Variants in SAMD3 observed in about 807,000 individuals in gnomAD.
SAMD3 encodes sterile alpha motif domain containing 3.
Under a neutral mutation model 58.5 loss-of-function variants are expected in SAMD3, and 63 were observed. The ratio of observed to expected loss-of-function variants is 1.08; its 90% CI spans 0.88 to 1.33. SAMD3 has a LOEUF of 1.33. Among genes scored for constraint, SAMD3 ranks in the 40% most tolerant of loss-of-function variants. The pLI is 0.00. For missense variants in SAMD3, 604 were observed against 608.4 expected (o/e 0.99, Z 0.08); for synonymous variants, 220 against 210.3 (o/e 1.05, Z -0.40).
chr6:130,224,142 C>T (rs34047210), upstream of SAMD3, among the ~76,000 whole-genome samples: 19,289 of 151,856 alleles, frequency 0.13, 3,144 homozygotes, highest in African/African-American at 0.38. Flanking sequence ...GCAAATTCTA[C>T]GTGGTCCACA....
chr6:130,177,631 C>T (rs17058461), intron 7 of SAMD3, among the ~76,000 whole-genome samples: 14,427 of 152,176 alleles, frequency 0.095, 1,097 homozygotes, highest in African/African-American at 0.21. Context: ...CCTTTCTTCA[C>T]TGGCACTTAT....
chr6:130,290,741 T>C lies in SAMD3; in HGVS notation c.-188+22237A>G, dbSNP rs375069339. Among the ~76,000 whole-genome samples the C allele has an allele frequency of 5.9e-5, 9 of 152,334 alleles. No individual in the cohort carries two copies. In the East Asian group the frequency reaches 1.5e-3, roughly 26 times the overall value. ...CTTACAGAGCTGTTGTGAGATTCAA[T>C]ATAGAACACACATGTAGTGTGTTCA... On this transcript the variant is annotated intron_variant, in intron 2 of 13. Transcript: ENST00000368134.
upstream of SAMD3, among the ~76,000 whole-genome samples, chr6:130,223,815 C>G (rs1253008201): frequency 6.6e-6 from 1 of 152,166 alleles, no homozygotes; most frequent in African/African-American, 2.4e-5. Flanking sequence ...GTTTACAGCT[C>G]CAGAAGCCCC....
intron 5 of SAMD3, among the ~76,000 whole-genome samples, chr6:130,202,790 C>T (rs951021420): frequency 6.6e-6 from 1 of 152,182 alleles, no homozygotes; most frequent in African/African-American, 2.4e-5. Flanking sequence ...TGAGGTTCTA[C>T]ACATGCAAGT....
intron 2 of SAMD3, among the ~76,000 whole-genome samples, chr6:130,281,805 T>C (rs955695280): frequency 6.6e-6 from 1 of 151,828 alleles, no homozygotes; most frequent in Non-Finnish European, 1.5e-5. Context: ...TCCAGGTACT[T>C]AGGAGGCTGA....
intron 2 of SAMD3, among the ~76,000 whole-genome samples, chr6:130,245,618 A>T (rs1223829094): frequency 6.6e-6 from 1 of 152,216 alleles, no homozygotes; most frequent in Admixed American, 6.5e-5. Flanking sequence ...TGGCCGCAAC[A>T]CAATAAGTGA....
In SAMD3 at chr6:130,305,142, C is replaced by T. The variant is rs566525648; in HGVS notation, c.-188+7836G>A. Among the ~76,000 whole-genome samples the T allele has an allele frequency of 1.1e-4, 17 of 151,754 alleles. No homozygotes were observed. The East Asian group carries it at 2.7e-3, about 24-fold the overall frequency. Reference sequence around the variant, plus strand: ...GTAGAGATGGGGTTTCACCATGTTGCGCAGGCTGGTCTTGAACTCCTGAGC... The same window carrying T: ...GTAGAGATGGGGTTTCACCATGTTGTGCAGGCTGGTCTTGAACTCCTGAGC... On this transcript the variant is annotated intron_variant, in intron 2 of 13. Coordinates refer to the SAMD3 transcript ENST00000368134.
At chr6:130,237,826 T>C (rs1438181161) in intron 2 of SAMD3, among the ~76,000 whole-genome samples, 3 of 152,140 alleles carry the variant, frequency 2.0e-5, no homozygotes, top group African/African-American at 7.2e-5. Flanking sequence ...TTTAGTTTAG[T>C]TTATTAGTTG....
chr6:130,176,204 A>G, intron 7 of SAMD3, 196 bp from the exon 8 acceptor site: 1 of 656,094 alleles, frequency 1.5e-6, no homozygotes, highest in South Asian at 1.6e-5. Context: ...AGAAATTATA[A>G]ACCCTAAGTT....
At chr6:130,186,937 AT>A (rs549948603) in intron 5 of SAMD3, among the ~76,000 whole-genome samples, 13 of 151,040 alleles carry the variant, frequency 8.6e-5, no homozygotes, top group South Asian at 4.2e-4. Context: ...TGCCTGGCTA[AT>A]TTTTTTTATT....
chr6:130,153,366 A>G (rs1789396300), intron 9 of SAMD3, among the ~76,000 whole-genome samples: 1 of 152,198 alleles, frequency 6.6e-6, no homozygotes, highest in Admixed American at 6.5e-5. Context: ...ATGCTGTTAC[A>G]GAGAAGCATT....
intron 2 of SAMD3, among the ~76,000 whole-genome samples, chr6:130,296,830 G>C (rs949883425): frequency 1.4e-4 from 22 of 152,266 alleles, no homozygotes; most frequent in African/African-American, 4.8e-4. Context: ...GGAACCAAAG[G>C]TCAGTCTTTA....
chr6:130,217,502 T>G (rs1268758080), intron 1 of SAMD3, among the ~76,000 whole-genome samples: 1 of 152,190 alleles, frequency 6.6e-6, no homozygotes, highest in African/African-American at 2.4e-5. Flanking sequence ...AGAAAATAAA[T>G]TTGTATTAAA....
Position 130,214,342 on chromosome 6 carries a change from A to T in SAMD3, c.264T>A (p.Ala88=). 1 of 1,589,112 alleles carries T rather than the reference A, an allele frequency of 6.3e-7. No individual in the cohort carries two copies. Among genetic ancestry groups the T allele is most frequent in the Admixed American group, 1.8e-5 (1 of 54,906 alleles). ...CCATTTATGAACATACTCACTCTCG[A>T]GCTGCTTCTGTTTGCATGACCAGGG... The part of the protein sequence containing the change: ...KAALVMQTEA[A]RDYRDEESSS... The change falls in exon 4 of 12, where the codon GCT becomes GCA. Residue 88 remains alanine, a synonymous_variant. Transcript: ENST00000439090.
chr6:130,169,171 A>T (rs1790998222), intron 8 of SAMD3, among the ~76,000 whole-genome samples: 1 of 152,176 alleles, frequency 6.6e-6, no homozygotes, highest in Non-Finnish European at 1.5e-5. Context: ...AAAGATTAAA[A>T]ATAATGTTGG....
chr6:130,288,481 A>C (rs1399858831), intron 2 of SAMD3, among the ~76,000 whole-genome samples: 1 of 152,244 alleles, frequency 6.6e-6, no homozygotes, highest in South Asian at 2.1e-4. Flanking sequence ...TCATAGCAAC[A>C]GCTAGACTGG....
rs115981952 is a variant in SAMD3, at chr6:130,167,522, T to C, written c.822+8319A>G. Among the ~76,000 whole-genome samples, 605 of 152,338 alleles carry C rather than the reference T, an allele frequency of 4.0e-3. 4 individuals carry two copies. Among genetic ancestry groups the C allele is most frequent in the African/African-American group, 0.014 (572 of 41,570 alleles). On this transcript the variant is annotated intron_variant, in intron 8 of 11. Coordinates refer to ENST00000439090, the MANE Select transcript of SAMD3 (RefSeq NM_001017373.4). ...GCAGTTCCACACAATTCCTGTAAGCTTTTAAATCCAACATTTTCATTATTT... is the reference window on the plus strand; with the variant it reads ...GCAGTTCCACACAATTCCTGTAAGCCTTTAAATCCAACATTTTCATTATTT...
At chr6:130,220,248 C>T (rs998752900) in intron 1 of SAMD3, among the ~76,000 whole-genome samples, 1 of 152,164 alleles carries the variant, frequency 6.6e-6, no homozygotes, top group Non-Finnish European at 1.5e-5. Flanking sequence ...GATCCACCTG[C>T]CTCGGCCCCC....
chr6:130,298,351 C>A (rs187186560), intron 2 of SAMD3, among the ~76,000 whole-genome samples: 2 of 152,044 alleles, frequency 1.3e-5, no homozygotes, highest in Non-Finnish European at 2.9e-5. Context: ...TTTGTCATTA[C>A]CAGATCAGTC....
Sources: allele counts gnomAD v4.1 joint callset (sites outside exome capture counted in the v4.1 genomes callset), GRCh38; gene constraint gnomAD v4.1.1; transcripts MANE v1.5; gene names NCBI Gene and HGNC (gene_info 2026-07-23, HGNC 2026-07-21).